The following TICRR variants were observed in gnomAD, a reference collection of about 807,000 sequenced individuals.
The protein encoded by TICRR is TOPBP1 interacting checkpoint and replication regulator.
Under a neutral mutation model 178.1 loss-of-function variants are expected in TICRR, and 132 were observed. The ratio of observed to expected loss-of-function variants is 0.74; its 90% confidence interval spans 0.64 to 0.86. The LOEUF is 0.86. Ranked by LOEUF, TICRR falls within the 40% of genes least tolerant of loss-of-function variation. The pLI is 0.00. For synonymous variants in TICRR, 991 were observed against 900.7 expected, an observed-to-expected ratio of 1.10 and a Z score of -1.79; for missense variants, 2,587 against 2,334.3, an observed-to-expected ratio of 1.11 and a Z score of -2.23.
intron 1 of TICRR, among the ~76,000 whole-genome samples, chr15:89,580,747 G>A (rs1962709736): frequency 2.0e-5 from 3 of 152,162 alleles, no homozygotes. Context: ...TTTAAAAGCA[G>A]TCTAGGCCAG....
At chr15:89,579,104 G>A (rs973267121) in intron 1 of TICRR, among the ~76,000 whole-genome samples, 3 of 152,208 alleles carry the variant, frequency 2.0e-5, no homozygotes, top group Non-Finnish European at 4.4e-5. Context: ...TGGAGGATAA[G>A]AGACCTCTGA....
At chr15:89,613,781 G>A (rs1963291372) in intron 15 of TICRR, among the ~76,000 whole-genome samples, 1 of 116,030 alleles carries the variant, frequency 8.6e-6, no homozygotes, top group East Asian at 2.6e-4. Flanking sequence ...TCTCTGTTTG[G>A]CAAGTCATTG....
At chr15:89,598,126 T>G (rs369354845) in intron 7 of TICRR, among the ~76,000 whole-genome samples, 1 of 112,334 alleles carries the variant, frequency 8.9e-6, no homozygotes, top group Non-Finnish European at 2.2e-5. Context: ...TCCAGGAGTT[T>G]TTTGTTTGTT....
chr15:89,576,262 T>C lies in TICRR; in HGVS notation c.654+22T>C, dbSNP rs983843982. On this transcript the variant is annotated intron_variant, in intron 1 of 21. Transcript: ENST00000268138. ...TAAGGTAAGGAAGGTTACTGTCGTC[T>C]CAGATGGCGTGCACGGTGCTTTCCT... 6 of 1,520,914 alleles carry C rather than the reference T, an allele frequency of 3.9e-6. No individual in the cohort carries two copies. The Admixed American group carries it at 1.0e-4, about 26-fold the overall frequency. The allele number at this position is 1,520,914 out of a possible 1,614,324, so 94.2% of individuals were successfully genotyped here.
At chr15:89,607,880 C>A (rs1195047747) in intron 14 of TICRR, among the ~76,000 whole-genome samples, 1 of 151,972 alleles carries the variant, frequency 6.6e-6, no homozygotes, top group East Asian at 1.9e-4. Flanking sequence ...TTTTTTCTAA[C>A]TTTGAGTCTA....
intron 4 of TICRR, among the ~76,000 whole-genome samples, chr15:89,589,592 C>G (rs995463509): frequency 2.0e-5 from 3 of 152,190 alleles, no homozygotes; most frequent in Non-Finnish European, 4.4e-5. Context: ...CCTAATCCAG[C>G]ATACAACGAC....
At chr15:89,591,993 T>C (rs1962921075) in intron 4 of TICRR, 54 bp from the exon 5 acceptor site, 3 of 1,551,444 alleles carry the variant, frequency 1.9e-6, no homozygotes, top group Non-Finnish European at 2.6e-6. Flanking sequence ...TAGAATTCTC[T>C]GCTTTGGTTC....
intron 18 of TICRR, 85 bp from the exon 19 acceptor site, chr15:89,621,308 A>C (rs1366302347): frequency 2.8e-6 from 4 of 1,410,260 alleles, no homozygotes; most frequent in Non-Finnish European, 3.8e-6. Context: ...GGCGTGAGCC[A>C]CCATGCGTGG....
At position 89,577,674 on chromosome 15, in the gene TICRR, T is replaced by A. The variant is rs184542029; in HGVS notation, c.654+1434T>A. Among the ~76,000 whole-genome samples, 512 of 134,096 alleles carry A rather than the reference T, an allele frequency of 3.8e-3. 2 individuals are homozygous for A. Among genetic ancestry groups the A allele is most frequent in the African/African-American group, 0.013 (485 of 36,076 alleles). The allele number at this position is 134,096 out of a possible 152,430, so 88.0% of individuals were successfully genotyped here. On this transcript the variant is annotated intron_variant, in intron 1 of 21. Coordinates refer to ENST00000268138, the MANE Select transcript of TICRR (RefSeq NM_152259.4). ...CCCAGGCTGGAGTGCAGTGGCGTGA[T>A]CTCGGCTCACTGCAACCTTCACCTC...
chr15:89,578,658 C>T (rs928717066), intron 1 of TICRR, among the ~76,000 whole-genome samples: 1 of 123,864 alleles, frequency 8.1e-6, no homozygotes, highest in African/African-American at 2.6e-5. Flanking sequence ...CTCTCTCTCT[C>T]TTTTTTTTTT....
chr15:89,616,370 T>G, intron 15 of TICRR, 35 bp from the exon 16 acceptor site: 3 of 1,591,706 alleles, frequency 1.9e-6, no homozygotes, highest in African/African-American at 1.3e-5. Context: ...TGAGGTTAAA[T>G]GAAATTTATG....
intron 20 of TICRR, 35 bp from the exon 21 acceptor site, chr15:89,625,901 G>T: frequency 6.5e-7 from 1 of 1,545,668 alleles, no homozygotes. Context: ...TTGGGGGTCT[G>T]GGGACGCTGC....
chr15:89,597,199 C>G (rs1004234687), intron 7 of TICRR, among the ~76,000 whole-genome samples: 2 of 151,996 alleles, frequency 1.3e-5, no homozygotes, highest in African/African-American at 4.8e-5. Context: ...TATTAGTCTT[C>G]CACTATTGTA....
chr15:89,602,369 G>GA (rs568623588), intron 12 of TICRR, among the ~76,000 whole-genome samples: 231 of 152,210 alleles, frequency 1.5e-3, no homozygotes, highest in African/African-American at 5.1e-3. Flanking sequence ...TACTTGATCT[G>GA]TAATGCCAAT....
chr15:89,584,164 C>T (rs529540399), intron 2 of TICRR, 122 bp from the exon 3 acceptor site: 12 of 1,015,456 alleles, frequency 1.2e-5, no homozygotes, highest in African/African-American at 4.9e-5. Context: ...TCTCAATTGA[C>T]AACTTGATTA....
chr15:89,604,320 T>C (rs916846604), intron 13 of TICRR, among the ~76,000 whole-genome samples: 8 of 152,248 alleles, frequency 5.3e-5, no homozygotes, highest in African/African-American at 1.9e-4. Context: ...GCATATCTTA[T>C]ATATCTCACA....
At chr15:89,620,322 C>T (rs1452310011) in intron 18 of TICRR, among the ~76,000 whole-genome samples, 1 of 152,148 alleles carries the variant, frequency 6.6e-6, no homozygotes, top group African/African-American at 2.4e-5. Flanking sequence ...GATCCTCCCA[C>T]CTTAGCCTCC....
chr15:89,578,818 A>C (rs970935623), intron 1 of TICRR, among the ~76,000 whole-genome samples: 1 of 152,038 alleles, frequency 6.6e-6, no homozygotes, highest in East Asian at 1.9e-4. Context: ...CAGATACTCA[A>C]GTTTTTCTGG....
chr15:89,626,000 GA>G lies in TICRR; in HGVS notation c.5542del (p.Thr1848ProfsTer31), dbSNP rs1270833571. 6.2e-6 allele frequency: 10 copies of G among 1,611,828 alleles called. No individual in the cohort carries two copies. In the Admixed American group the frequency reaches 1.7e-4, roughly 27 times the overall value. ...TCTCTGCCAGTGCCCTCCAGGCTCT[GA>G]CCCAGTCTCCGCTGCTGTTCCAGGG... ...CLSASALQALTQSPLLFQGKT... is the reference protein window; with the variant it reads ...CLSASALQALXQSPLLFQGKT... On this transcript the variant is annotated frameshift_variant, in exon 21 of 22. Transcript: ENST00000268138. LOFTEE classifies it high-confidence loss of function.
Sources: gnomAD v4.1 joint callset for allele counts (sites outside exome capture counted in the v4.1 genomes callset) on GRCh38, gnomAD v4.1.1 for gene constraint, MANE v1.5 for transcripts, NCBI Gene and HGNC (gene_info 2026-07-23, HGNC 2026-07-21) for gene names.